Variants in CNTNAP2 observed in about 807,000 individuals in gnomAD.
CNTNAP2 encodes the protein contactin associated protein 2.
CNTNAP2 carries 98 observed loss-of-function variants against 155.2 expected under a neutral mutation model. The ratio of observed to expected loss-of-function variants is 0.63; its 90% CI spans 0.54 to 0.75. CNTNAP2 has a LOEUF of 0.75. CNTNAP2 is among the 30% of genes least tolerant of loss of function. The pLI is 0.00. For synonymous variants in CNTNAP2, 651 were observed against 631.2 expected (o/e 1.03, Z -0.47); for missense variants, 1,727 against 1,688.1 (o/e 1.02, Z -0.40).
chr7:148,102,079 G>A (rs1263796983), intron 15 of CNTNAP2, among the ~76,000 whole-genome samples: 6 of 152,092 alleles, frequency 3.9e-5, no homozygotes, highest in Non-Finnish European at 8.8e-5. Flanking sequence ...TGTCACCCAG[G>A]TACTAAGCCT....
Position 148,100,646 on chromosome 7 carries a change from G to A in CNTNAP2, c.2384-17472G>A, listed in dbSNP as rs183551985. ...ATACAATGGACAATTTACATAGATC[G>A]ATTTTATGGTTTATGCCACATTATG... On this transcript the variant is annotated intron_variant, in intron 15 of 23. Transcript: ENST00000361727. 4.6e-3 allele frequency among the ~76,000 whole-genome samples: 698 copies of A among 152,252 alleles called. 3 individuals carry two copies. Among genetic ancestry groups the A allele is most frequent in the Non-Finnish European group, 7.7e-3 (522 of 68,026 alleles).
At chr7:146,912,759 T>C (rs1279662924) in intron 3 of CNTNAP2, among the ~76,000 whole-genome samples, 2 of 152,180 alleles carry the variant, frequency 1.3e-5, no homozygotes, top group Admixed American at 6.5e-5. Context: ...TTAGTACTAT[T>C]TATTTGACTG....
At chr7:147,039,952 A>C (rs1799227219) in intron 3 of CNTNAP2, among the ~76,000 whole-genome samples, 1 of 152,212 alleles carries the variant, frequency 6.6e-6, no homozygotes, top group Admixed American at 6.5e-5. Flanking sequence ...AATATTGACA[A>C]ATGGGATCTA....
chr7:147,740,335 G>T (rs1796935364), intron 13 of CNTNAP2, among the ~76,000 whole-genome samples: 2 of 152,076 alleles, frequency 1.3e-5, no homozygotes, highest in Admixed American at 1.3e-4. Flanking sequence ...TGTCATTTTG[G>T]AATTGGGCCC....
At chr7:146,188,204 T>C (rs1008007144) in intron 1 of CNTNAP2, among the ~76,000 whole-genome samples, 1 of 152,188 alleles carries the variant, frequency 6.6e-6, no homozygotes, top group Admixed American at 6.5e-5. Flanking sequence ...AGGAATCTGA[T>C]GAACATTTGA....
intron 4 of CNTNAP2, among the ~76,000 whole-genome samples, chr7:147,051,200 ATAT>A (rs769296973): frequency 5.2e-4 from 77 of 147,756 alleles, no homozygotes; most frequent in African/African-American, 1.5e-3. Flanking sequence ...ATATATATAT[ATAT>A]AAATCATTAA....
At position 147,230,761 on chromosome 7, in the gene CNTNAP2, C is replaced by G. The variant is rs142164523; in HGVS notation, c.1349-69380C>G. 2.7e-3 allele frequency among the ~76,000 whole-genome samples: 408 copies of G among 152,246 alleles called. 1 individual carries two copies. The highest frequency in any genetic ancestry group is 9.2e-3 in the African/African-American group (382 of 41,546). On this transcript the variant is annotated intron_variant, in intron 8 of 23. Transcript: ENST00000361727. Reference sequence around the variant, plus strand: ...TCCTCATTTACTCCACACCCTATCCCCTGACAACCACTATTCTCCTCTTTG... The same window carrying G: ...TCCTCATTTACTCCACACCCTATCCGCTGACAACCACTATTCTCCTCTTTG...
At chr7:146,642,367 T>C (rs1424280302) in intron 1 of CNTNAP2, among the ~76,000 whole-genome samples, 1 of 142,310 alleles carries the variant, frequency 7.0e-6, no homozygotes, top group Non-Finnish European at 1.5e-5. Flanking sequence ...GTCCATGTGT[T>C]CTCATTCTTC....
intron 8 of CNTNAP2, among the ~76,000 whole-genome samples, chr7:147,239,497 G>C (rs1374293324): frequency 6.9e-6 from 1 of 145,970 alleles, no homozygotes; most frequent in East Asian, 2.0e-4. Context: ...GCAATAGAGC[G>C]AGACTCCGTT....
intron 13 of CNTNAP2, among the ~76,000 whole-genome samples, chr7:147,838,232 G>A (rs1101043): frequency 0.31 from 47,572 of 151,844 alleles, 7,823 homozygotes; most frequent in Middle Eastern, 0.4. Flanking sequence ...GCCACCCCAC[G>A]AAACCATTTT....
At chr7:147,471,980 AAG>A (rs1798224683) in intron 10 of CNTNAP2, among the ~76,000 whole-genome samples, 1 of 151,634 alleles carries the variant, frequency 6.6e-6, no homozygotes, top group South Asian at 2.1e-4. Context: ...GATTGAGGAA[AAG>A]AGTGTATTTG....
intron 1 of CNTNAP2, among the ~76,000 whole-genome samples, chr7:146,398,774 A>T (rs566929560): frequency 6.6e-6 from 1 of 152,142 alleles, no homozygotes; most frequent in East Asian, 1.9e-4. Flanking sequence ...AAAAATATAT[A>T]TATATTTATT....
chr7:147,010,586 G>A (rs1798605809), intron 3 of CNTNAP2, among the ~76,000 whole-genome samples: 1 of 152,124 alleles, frequency 6.6e-6, no homozygotes, highest in Non-Finnish European at 1.5e-5. Flanking sequence ...GGAACAATTT[G>A]AGCATCAAAC....
intron 1 of CNTNAP2, among the ~76,000 whole-genome samples, chr7:146,238,210 A>C (rs1393652573): frequency 6.6e-6 from 1 of 152,212 alleles, no homozygotes; most frequent in East Asian, 1.9e-4. Context: ...CTCTTAGTCA[A>C]GGATTGAGAG....
chr7:148,205,993 G>GA (rs894591978), intron 18 of CNTNAP2, among the ~76,000 whole-genome samples: 5 of 149,466 alleles, frequency 3.3e-5, no homozygotes, highest in African/African-American at 4.9e-5. Context: ...CTTTCTACAT[G>GA]AAAAAAATAT....
At chr7:147,987,386 A>C (rs1001656831) in intron 15 of CNTNAP2, among the ~76,000 whole-genome samples, 1 of 152,180 alleles carries the variant, frequency 6.6e-6, no homozygotes, top group Non-Finnish European at 1.5e-5. Context: ...CTGTTTTACA[A>C]TTGACATGAT....
At chr7:147,813,076 A>T (rs1489217261) in intron 13 of CNTNAP2, among the ~76,000 whole-genome samples, 2 of 152,054 alleles carry the variant, frequency 1.3e-5, no homozygotes, top group Non-Finnish European at 2.9e-5. Context: ...ATGCTAAAAA[A>T]TTGTTTCACT....
intron 11 of CNTNAP2, among the ~76,000 whole-genome samples, chr7:147,550,605 A>G (rs1799832979): frequency 6.6e-6 from 1 of 152,118 alleles, no homozygotes; most frequent in African/African-American, 2.4e-5. Flanking sequence ...AAAGTCTCAA[A>G]CTGAAGTGAA....
At chr7:148,176,040 C>T (rs1794927744) in intron 18 of CNTNAP2, among the ~76,000 whole-genome samples, 1 of 152,012 alleles carries the variant, frequency 6.6e-6, no homozygotes, top group Non-Finnish European at 1.5e-5. Context: ...TGTCTTGTCA[C>T]TTTGTTGAAC....
Sources: allele counts gnomAD v4.1 joint callset (sites outside exome capture counted in the v4.1 genomes callset), GRCh38; gene constraint gnomAD v4.1.1; transcripts MANE v1.5; gene names NCBI Gene and HGNC (gene_info 2026-07-23, HGNC 2026-07-21).